The following NKAIN2 variants were observed in gnomAD, a reference collection of about 807,000 sequenced individuals.
NKAIN2 encodes sodium/potassium transporting ATPase interacting 2, also known as sodium/potassium-transporting ATPase subunit beta-1-interacting protein 2.
Under a neutral mutation model 32.6 loss-of-function variants are expected in NKAIN2, and 14 were observed. That is an observed-to-expected ratio of 0.43 (90% CI 0.28 to 0.67). The LOEUF is 0.67. NKAIN2 is among the 30% of genes least tolerant of loss of function. The pLI, the probability that NKAIN2 is intolerant of heterozygous loss-of-function variation, is 0.17. For missense variants in NKAIN2, 198 were observed against 258.3 expected, an observed-to-expected ratio of 0.77 and a Z score of 1.60; for synonymous variants, 80 against 87.2, an observed-to-expected ratio of 0.92 and a Z score of 0.46.
At chr6:124,039,240 T>C (rs959997799) in intron 1 of NKAIN2, among the ~76,000 whole-genome samples, 2 of 152,032 alleles carry the variant, frequency 1.3e-5, no homozygotes, top group African/African-American at 2.4e-5. Flanking sequence ...CAATACATAT[T>C]GAAGGCCAGG....
At chr6:124,682,739 A>G (rs907656742) in intron 4 of NKAIN2, among the ~76,000 whole-genome samples, 3 of 152,196 alleles carry the variant, frequency 2.0e-5, no homozygotes, top group Admixed American at 2.0e-4. Context: ...AGATTGATAT[A>G]TTGGAACTTA....
At chr6:123,923,684 C>T (rs1287684712) in intron 1 of NKAIN2, among the ~76,000 whole-genome samples, 5 of 150,020 alleles carry the variant, frequency 3.3e-5, no homozygotes, top group Admixed American at 1.3e-4. Flanking sequence ...AGTAAACTAT[C>T]GCAAGAACAA....
At chr6:124,745,312 G>A (rs558813267) in intron 4 of NKAIN2, among the ~76,000 whole-genome samples, 1 of 151,920 alleles carries the variant, frequency 6.6e-6, no homozygotes, top group East Asian at 2.0e-4. Context: ...CAAACACTTA[G>A]AAGCATACAG....
chr6:124,171,655 A>C lies in NKAIN2; in HGVS notation c.55-111350A>C, dbSNP rs552347755. Reference sequence around the variant, plus strand: ...CAACGTCTGCCTCCCGGTTCAAGCAATTCTCCTGCCTCAGCCTCCCAAGTA... The same window carrying C: ...CAACGTCTGCCTCCCGGTTCAAGCACTTCTCCTGCCTCAGCCTCCCAAGTA... On this transcript the variant is annotated intron_variant, in intron 1 of 6. Coordinates refer to ENST00000368417, the MANE Select transcript of NKAIN2 (RefSeq NM_001040214.3). 1.4e-3 allele frequency among the ~76,000 whole-genome samples: 203 copies of C among 148,760 alleles called. 1 individual carries two copies. Among genetic ancestry groups the C allele is most frequent in the African/African-American group, 4.9e-3 (199 of 40,260 alleles).
intron 4 of NKAIN2, among the ~76,000 whole-genome samples, chr6:124,725,201 C>A (rs1776212329): frequency 6.6e-6 from 1 of 152,188 alleles, no homozygotes; most frequent in Non-Finnish European, 1.5e-5. Flanking sequence ...ACATACCCCA[C>A]TCTTAAGTTA....
At chr6:124,779,318 GGGAAGGAA>G (rs869195660) in intron 4 of NKAIN2, among the ~76,000 whole-genome samples, 5,722 of 52,638 alleles carry the variant, frequency 0.11, 433 homozygotes, top group Non-Finnish European at 0.13. Context: ...GAGGGAGGGA[GGGAAGGAA>G]GGAAGGAAGG....
chr6:123,836,310 T>C (rs1019943924), intron 1 of NKAIN2, among the ~76,000 whole-genome samples: 8 of 152,182 alleles, frequency 5.3e-5, no homozygotes, highest in African/African-American at 1.9e-4. Context: ...AATTTACTTT[T>C]GAGAATCTTG....
intron 1 of NKAIN2, among the ~76,000 whole-genome samples, chr6:123,992,168 C>T (rs138193503): frequency 1.4e-3 from 211 of 152,072 alleles, no homozygotes; most frequent in Non-Finnish European, 2.3e-3. Flanking sequence ...GCTTTGGTTT[C>T]CTTCTCGCTT....
intron 1 of NKAIN2, chr6:123,829,309 A>G (rs1292682789): frequency 6.6e-6 from 1 of 152,144 alleles, no homozygotes; most frequent in African/African-American, 2.4e-5. Flanking sequence ...TCTAGGTCTA[A>G]TTATCTAATT....
intron 1 of NKAIN2, among the ~76,000 whole-genome samples, chr6:124,098,869 C>A (rs1265787797): frequency 6.6e-6 from 1 of 151,592 alleles, no homozygotes; most frequent in East Asian, 1.9e-4. Flanking sequence ...GACTCTGTTT[C>A]AAGAAAAATA....
intron 4 of NKAIN2, among the ~76,000 whole-genome samples, chr6:124,681,783 A>C (rs1399482139): frequency 3.9e-5 from 6 of 152,124 alleles, no homozygotes; most frequent in Non-Finnish European, 7.4e-5. Context: ...TCTATGTGAG[A>C]AAATCTTCTA....
chr6:124,302,647 A>G (rs1218353712), intron 2 of NKAIN2, among the ~76,000 whole-genome samples: 2 of 152,216 alleles, frequency 1.3e-5, no homozygotes, highest in Non-Finnish European at 2.9e-5. Flanking sequence ...ATAAATAATT[A>G]TCTGCCATGT....
intron 3 of NKAIN2, among the ~76,000 whole-genome samples, chr6:124,522,911 A>G (rs999473850): frequency 4.0e-5 from 6 of 151,816 alleles, no homozygotes; most frequent in Admixed American, 3.9e-4. Context: ...TGGGAGGCCG[A>G]GGCGGGCGGA....
At chr6:124,759,923 C>T (rs1391871848) in intron 4 of NKAIN2, among the ~76,000 whole-genome samples, 2 of 151,770 alleles carry the variant, frequency 1.3e-5, no homozygotes, top group Admixed American at 1.3e-4. Flanking sequence ...CACGCTTAGA[C>T]AAAGGTGAAC....
At chr6:124,436,015 A>G (rs1453342622) in intron 3 of NKAIN2, among the ~76,000 whole-genome samples, 1 of 152,162 alleles carries the variant, frequency 6.6e-6, no homozygotes, top group Admixed American at 6.6e-5. Context: ...ATTACTTTTT[A>G]AAGTTAAGCT....
At chr6:124,043,297 G>A (rs1234771503) in intron 1 of NKAIN2, among the ~76,000 whole-genome samples, 1 of 151,978 alleles carries the variant, frequency 6.6e-6, no homozygotes, top group Non-Finnish European at 1.5e-5. Context: ...TCGCACCATT[G>A]CACTCCAGAC....
chr6:124,537,882 G>C (rs1779774919), intron 3 of NKAIN2, among the ~76,000 whole-genome samples: 1 of 152,058 alleles, frequency 6.6e-6, no homozygotes. Context: ...CATCTTAAGG[G>C]TCATTGTCAT....
intron 4 of NKAIN2, among the ~76,000 whole-genome samples, chr6:124,681,279 ATTTAT>A (rs1773608498): frequency 6.6e-6 from 1 of 152,030 alleles, no homozygotes; most frequent in African/African-American, 2.4e-5. Context: ...AACAGCAGGA[ATTTAT>A]TTTAACTTTT....
rs544103132 is a variant in NKAIN2, at chr6:123,883,870, G to C, written c.54+79616G>C. On this transcript the variant is annotated intron_variant, in intron 1 of 6. Transcript: ENST00000368417. ...AGATCGCGCCACTGCACTCCAGCCTGGGCGACAGAGCGAGACTCTGTCTCA... is the reference window on the plus strand; with the variant it reads ...AGATCGCGCCACTGCACTCCAGCCTCGGCGACAGAGCGAGACTCTGTCTCA... Among the ~76,000 whole-genome samples, 50 of 131,334 alleles carry C rather than the reference G, an allele frequency of 3.8e-4. 1 individual carries two copies. The East Asian group carries it at 0.01, about 27-fold the overall frequency. The allele number at this position is 131,334 out of a possible 152,430, so 86.2% of individuals were successfully genotyped here.
Sources: allele counts gnomAD v4.1 joint callset (sites outside exome capture counted in the v4.1 genomes callset), GRCh38; gene constraint gnomAD v4.1.1; transcripts MANE v1.5; gene names NCBI Gene and HGNC (gene_info 2026-07-23, HGNC 2026-07-21).